Variants in WWC2 observed in about 807,000 individuals in gnomAD.
The protein encoded by WWC2 is WW and C2 domain containing 2, also known as protein WWC2.
A neutral mutation model predicts 138.5 loss-of-function variants in WWC2; 101 were observed. That is an observed-to-expected ratio of 0.73 (90% CI 0.62 to 0.86). The LOEUF (loss-of-function observed/expected upper bound fraction) is 0.86. Among genes scored for constraint, WWC2 ranks in the 40% least tolerant of loss-of-function variants. WWC2 has a pLI of 0.00. For missense variants in WWC2, 1,420 were observed against 1,419.4 expected, an observed-to-expected ratio of 1.00 and a Z score of -0.01; for synonymous variants, 558 against 538.4, an observed-to-expected ratio of 1.04 and a Z score of -0.50.
intron 18 of WWC2, among the ~76,000 whole-genome samples, chr4:183,283,608 A>G (rs897077083): frequency 3.9e-5 from 6 of 152,258 alleles, no homozygotes; most frequent in Admixed American, 6.5e-5. Context: ...GATAAAAAAT[A>G]GACATCTGCC....
intron 10 of WWC2, among the ~76,000 whole-genome samples, chr4:183,260,166 C>T (rs1428985217): frequency 6.6e-6 from 1 of 152,084 alleles, no homozygotes; most frequent in African/African-American, 2.4e-5. Flanking sequence ...GCCTTCTTTT[C>T]TCTAAAAATA....
At position 183,312,372 on chromosome 4, in the gene WWC2, G is replaced by A. The variant is rs1739282029; in HGVS notation, c.3416G>A (p.Gly1139Asp). Residue 1139 changes from glycine (G) to aspartate (D), a missense_variant, in exon 22 of 23, where the codon GGT becomes GAT. Physicochemically the swap from Gly to Asp is moderately conservative, Grantham distance 94. Transcript: ENST00000403733. ...AEQSKEEQKQGLNAEKLMRQV... is the reference protein window; with the variant it reads ...AEQSKEEQKQDLNAEKLMRQV... ...CAGTCCAAAGAAGAGCAGAAGCAAG[G>A]TCTGAATGCAGAGAAGTTGATGAGG... is the stretch of plus-strand genomic sequence containing the variant. 7 of 1,613,642 alleles carry A rather than the reference G, an allele frequency of 4.3e-6. No individual in the cohort carries two copies. Among genetic ancestry groups the A allele is most frequent in the African/African-American group, 1.3e-5 (1 of 74,934 alleles).
At chr4:183,119,410 C>A (rs1561423083) in intron 1 of WWC2, among the ~76,000 whole-genome samples, 2 of 152,090 alleles carry the variant, frequency 1.3e-5, no homozygotes, top group African/African-American at 4.8e-5. Context: ...TTCCTGCATC[C>A]TCGCCTCTTC....
intron 1 of WWC2, among the ~76,000 whole-genome samples, chr4:183,124,600 T>G (rs1312776074): frequency 6.6e-6 from 1 of 151,556 alleles, no homozygotes; most frequent in Non-Finnish European, 1.5e-5. Flanking sequence ...CAGATCTTTT[T>G]TTTTTTTGAG....
At chr4:183,178,067 C>T (rs1486662360) in intron 1 of WWC2, among the ~76,000 whole-genome samples, 1 of 152,146 alleles carries the variant, frequency 6.6e-6, no homozygotes, top group Non-Finnish European at 1.5e-5. Flanking sequence ...AGGTAAATCC[C>T]ACAGAAATGC....
At chr4:183,130,839 TCTC>T (rs1345475318) in intron 1 of WWC2, among the ~76,000 whole-genome samples, 1 of 152,172 alleles carries the variant, frequency 6.6e-6, no homozygotes, top group Non-Finnish European at 1.5e-5. Context: ...CATTGGGCAT[TCTC>T]CTCTACCTCC....
intron 20 of WWC2, among the ~76,000 whole-genome samples, chr4:183,288,420 G>A (rs974300093): frequency 6.6e-6 from 1 of 152,094 alleles, no homozygotes. Context: ...CAATAATCTA[G>A]GCAAGAAATA....
At chr4:183,280,229 GTTTTTTTTTT>G (rs869235261) in intron 16 of WWC2, among the ~76,000 whole-genome samples, 208 of 65,466 alleles carry the variant, frequency 3.2e-3, no homozygotes, top group African/African-American at 0.012. Flanking sequence ...GATAGCAGCT[GTTTTTTTTTT>G]TTTTTTTTTT....
chr4:183,278,841 T>C (rs1737961666), intron 16 of WWC2, among the ~76,000 whole-genome samples: 1 of 151,584 alleles, frequency 6.6e-6, no homozygotes, highest in African/African-American at 2.4e-5. Flanking sequence ...ATGCTGAGAC[T>C]TTGCTGAAGT....
intron 5 of WWC2, among the ~76,000 whole-genome samples, chr4:183,244,426 A>G (rs1053371391): frequency 2.0e-5 from 3 of 152,188 alleles, no homozygotes; most frequent in Non-Finnish European, 4.4e-5. Flanking sequence ...CAGGGATAAT[A>G]AATTAGCTCA....
chr4:183,184,033 A>T (rs918524364), intron 1 of WWC2, among the ~76,000 whole-genome samples: 1 of 152,214 alleles, frequency 6.6e-6, no homozygotes, highest in Admixed American at 6.5e-5. Context: ...AAAATGATCA[A>T]TTCAGTGGCA....
At position 183,312,443 on chromosome 4, in the gene WWC2, G is replaced by A. The variant is rs763167733; in HGVS notation, c.3487G>A (p.Val1163Met). The change falls in exon 22 of 23, where the codon GTG becomes ATG. Residue 1163 changes from valine to methionine, a missense_variant. Physicochemically the swap from Val to Met is conservative, Grantham distance 21 (BLOSUM62 1). Coordinates refer to ENST00000403733, the MANE Select transcript of WWC2 (RefSeq NM_024949.6). ...TCGGCTCCGGGAGCAGAGCCAGAAG[G>A]TGCCTCGGCAGGTGCAGTCCTTCAG... is the stretch of plus-strand genomic sequence containing the variant. ...VCRLREQSQK[V>M]PRQVQSFREK... 6.2e-7 allele frequency: 1 copy of A among 1,613,832 alleles called. No individual in the cohort carries two copies. Among genetic ancestry groups the A allele is most frequent in the East Asian group, 2.2e-5 (1 of 44,872 alleles).
intron 1 of WWC2, among the ~76,000 whole-genome samples, chr4:183,182,768 T>C (rs934212381): frequency 6.6e-6 from 1 of 152,252 alleles, no homozygotes; most frequent in African/African-American, 2.4e-5. Context: ...AAAGATTTTC[T>C]TGTATCTTGT....
At chr4:183,215,659 A>G (rs769614400) in intron 4 of WWC2, among the ~76,000 whole-genome samples, 1 of 152,154 alleles carries the variant, frequency 6.6e-6, no homozygotes, top group African/African-American at 2.4e-5. Flanking sequence ...CTCACTCTCT[A>G]TGAGTTTGGC....
At chr4:183,158,545 A>G (rs1733869295) in intron 1 of WWC2, among the ~76,000 whole-genome samples, 1 of 151,854 alleles carries the variant, frequency 6.6e-6, no homozygotes, top group African/African-American at 2.4e-5. Flanking sequence ...GCCTACCTAC[A>G]TCATCTCATT....
At chr4:183,202,256 G>A (rs552443085) in intron 2 of WWC2, among the ~76,000 whole-genome samples, 6 of 152,192 alleles carry the variant, frequency 3.9e-5, no homozygotes, top group African/African-American at 1.4e-4. Context: ...GAGGAGGTTA[G>A]GGATATGGGC....
chr4:183,315,590 G>T, intron 22 of WWC2, 73 bp from the exon 23 acceptor site: 2 of 1,215,632 alleles, frequency 1.6e-6, no homozygotes, highest in East Asian at 2.4e-5. Flanking sequence ...GCAGGTCTTG[G>T]GGACTGTTTT....
chr4:183,297,499 T>TCG (rs1738674068), intron 21 of WWC2, among the ~76,000 whole-genome samples: 1 of 150,902 alleles, frequency 6.6e-6, no homozygotes, highest in African/African-American at 2.4e-5. Context: ...AACCTCTACC[T>TCG]CGCGGGTTCA....
chr4:183,267,066 G>C (rs1737525824), intron 14 of WWC2, among the ~76,000 whole-genome samples: 1 of 151,644 alleles, frequency 6.6e-6, no homozygotes, highest in African/African-American at 2.4e-5. Flanking sequence ...GGTCTCACTG[G>C]GTTGCCCAGG....
Sources: allele counts gnomAD v4.1 joint callset (sites outside exome capture counted in the v4.1 genomes callset), GRCh38; gene constraint gnomAD v4.1.1; transcripts MANE v1.5; gene names NCBI Gene and HGNC (gene_info 2026-07-23, HGNC 2026-07-21).